Variants in CRAT observed in about 807,000 individuals in gnomAD.
CRAT encodes carnitine acetylase.
A neutral mutation model predicts 73.7 loss-of-function variants in CRAT; 66 were observed. The ratio of observed to expected loss-of-function variants is 0.90; its 90% CI spans 0.73 to 1.10. The LOEUF is 1.10. Ranked by LOEUF, CRAT falls within the 50% of genes least tolerant of loss-of-function variation. The pLI is 0.00. For synonymous variants in CRAT, 321 were observed against 343.2 expected (o/e 0.94, Z 0.71); for missense variants, 745 against 846.9 (o/e 0.88, Z 1.49).
Position 129,107,438 on chromosome 9 carries a change from A to C in CRAT, c.291+376T>G, listed in dbSNP as rs575215827. On this transcript the variant is annotated intron_variant, in intron 2 of 13. Transcript: ENST00000318080. The surrounding 1 kb of genome is among the most constrained non-coding windows in gnomAD (Gnocchi z 5.0). ...ACTGGGTACACCTGTGTCATAGATC[A>C]GATACAGAACCTGGGCGATCGGTCA... is the stretch of plus-strand genomic sequence containing the variant. 3 of 594,728 alleles carry C rather than the reference A, an allele frequency of 5.0e-6. No individual in the cohort carries two copies. Among genetic ancestry groups the C allele is most frequent in the Admixed American group, 5.9e-5 (2 of 34,092 alleles). The allele number at this position is 594,728 out of a possible 1,614,324, so 36.8% of individuals were successfully genotyped here. A position where few individuals can be genotyped will look rare whatever the true frequency, so the allele number is the denominator to read the frequency against.
intron 2 of CRAT, among the ~76,000 whole-genome samples, chr9:129,105,362 C>T (rs1446092248): frequency 6.6e-6 from 1 of 151,984 alleles, no homozygotes; most frequent in Non-Finnish European, 1.5e-5. Context: ...TCACTGTCAC[C>T]CAGGCTAAAG....
At position 129,104,319 on chromosome 9, in the gene CRAT, C is replaced by T; in HGVS notation, c.292-13G>A. On this transcript the variant is annotated splice_polypyrimidine_tract_variant and intron_variant, in intron 2 of 13. Transcript: ENST00000318080. Reference sequence around the variant, plus strand: ...ACCACTCAGACAGCTGGGAAAAGTGCCAGAGCCTGTCAGGAGGGGTGCATG... The same window carrying T: ...ACCACTCAGACAGCTGGGAAAAGTGTCAGAGCCTGTCAGGAGGGGTGCATG... 1 of 1,606,074 alleles carries T rather than the reference C, an allele frequency of 6.2e-7. No homozygotes were observed.
At position 129,103,089 on chromosome 9, in the gene CRAT, A is replaced by C; in HGVS notation, c.411-23T>G. ...AATCTGGAAAGATTGATTAGAGATT[A>C]GAAGCTGCGTGGACACCCTGAGGGA... On this transcript the variant is annotated intron_variant, in intron 3 of 13. Coordinates refer to ENST00000318080, the MANE Select transcript of CRAT (RefSeq NM_000755.5). The surrounding 1 kb of genome is among the most constrained non-coding windows in gnomAD (Gnocchi z 4.6). 1 of 1,612,168 alleles carries C rather than the reference A, an allele frequency of 6.2e-7. No individual in the cohort carries two copies. The highest frequency in any genetic ancestry group is 8.5e-7 in the Non-Finnish European group (1 of 1,178,198).
Position 129,097,255 on chromosome 9 carries a change from C to T in CRAT, c.1522G>A (p.Asp508Asn), listed in dbSNP as rs764225834. 1.2e-5 allele frequency: 18 copies of T among 1,559,304 alleles called. No homozygotes were observed. The highest frequency in any genetic ancestry group is 9.5e-5 in the South Asian group (8 of 84,160). ...GCACAAGCGGGCTCACTTACCCGGT[C>T]GGTGTAGCCTCGGTGGGCCTGCACG... Reference protein sequence around the residue: ...KAVQAHRGYTDRAIRGEAFDR... With the variant: ...KAVQAHRGYTNRAIRGEAFDR... Residue 508 changes from aspartate (D) to asparagine (N), a missense_variant, in exon 12 of 14, where the codon GAC becomes AAC. Transcript: ENST00000318080.
At position 129,098,081 on chromosome 9, in the gene CRAT, C is replaced by T. The variant is rs745545439; in HGVS notation, c.1396G>A (p.Asp466Asn). Reference protein sequence around the residue: ...SLRMFHLGRTDTIRSASMDSL... With the variant: ...SLRMFHLGRTNTIRSASMDSL... ...TCCATGGAAGCCGAGCGGATGGTGT[C>T]GGTGCGGCCCAGGTGAAACATGCGC... is the stretch of plus-strand genomic sequence containing the variant. Residue 466 changes from aspartate (D) to asparagine (N), a missense_variant, in exon 11 of 14, where the codon GAC becomes AAC. By Grantham distance (23) the Asp-to-Asn change is conservative (BLOSUM62 1). Coordinates refer to ENST00000318080, the MANE Select transcript of CRAT (RefSeq NM_000755.5). The T allele has an allele frequency of 1.2e-5, 20 of 1,614,018 alleles. No individual in the cohort carries two copies. The highest frequency in any genetic ancestry group is 6.7e-5 in the Admixed American group (4 of 60,018).
chr9:129,104,666 G>A (rs1347765969), intron 2 of CRAT, among the ~76,000 whole-genome samples: 3 of 149,174 alleles, frequency 2.0e-5, no homozygotes, highest in South Asian at 4.3e-4. Flanking sequence ...GTGCAGTGGC[G>A]CAATCTCGGC....
intron 8 of CRAT, 93 bp from the exon 9 acceptor site, chr9:129,098,743 T>C: frequency 6.9e-7 from 1 of 1,459,792 alleles, no homozygotes; most frequent in Non-Finnish European, 9.1e-7. Flanking sequence ...TACCTGAAGC[T>C]GGAGGGGGCC....
At chr9:129,102,988 G>A (rs1179348101) in intron 4 of CRAT, 25 bp downstream of exon 4, 14 of 1,606,470 alleles carry the variant, frequency 8.7e-6, no homozygotes, top group Admixed American at 1.7e-5. Flanking sequence ...CAGGTGTGGG[G>A]CTGGGCAGGG....
intron 11 of CRAT, 96 bp from the exon 12 acceptor site, chr9:129,097,408 C>CT: frequency 2.1e-6 from 2 of 971,266 alleles, no homozygotes; most frequent in Non-Finnish European, 3.0e-6. Context: ...ATTCTGAGCT[C>CT]TTTAAGAGGA....
intron 11 of CRAT, 143 bp downstream of exon 11, chr9:129,097,870 T>G (rs1847379643): frequency 8.1e-7 from 1 of 1,230,380 alleles, no homozygotes; most frequent in East Asian, 2.4e-5. Context: ...CAGAGCTAGA[T>G]TCACGGCTCC....
chr9:129,109,344 AAGCC>A, intron 1 of CRAT: 1 of 1,183,756 alleles, frequency 8.4e-7, no homozygotes, highest in Non-Finnish European at 1.1e-6. Flanking sequence ...GGACAGCCAG[AAGCC>A]CTGCCTATTT....
In CRAT at chr9:129,100,827, C is replaced by T. The variant is rs1038325694; in HGVS notation, c.806-138G>A. On this transcript the variant is annotated intron_variant, in intron 6 of 13. Coordinates refer to ENST00000318080, the MANE Select transcript of CRAT (RefSeq NM_000755.5). ...TCTGGGATGAGGAGACCCCCCACCTCGCCGGCCCTCCAGGGCATTCACCAA... is the reference window on the plus strand; with the variant it reads ...TCTGGGATGAGGAGACCCCCCACCTTGCCGGCCCTCCAGGGCATTCACCAA... 1.5e-5 allele frequency: 16 copies of T among 1,052,450 alleles called. No individual in the cohort carries two copies. In the Middle Eastern group the frequency reaches 8.7e-4, roughly 57 times the overall value. The allele number at this position is 1,052,450 out of a possible 1,614,324, so 65.2% of individuals were successfully genotyped here. A position where few individuals can be genotyped will look rare whatever the true frequency, so the allele number is the denominator to read the frequency against.
intron 12 of CRAT, among the ~76,000 whole-genome samples, chr9:129,096,733 A>G (rs1237984785): frequency 6.6e-6 from 1 of 152,246 alleles, no homozygotes; most frequent in African/African-American, 2.4e-5. Flanking sequence ...ACCTGGAACC[A>G]AGGCAGTTAC....
intron 1 of CRAT, 59 bp from the exon 2 acceptor site, chr9:129,108,136 C>G (rs1193191224): frequency 2.7e-6 from 4 of 1,492,038 alleles, no homozygotes; most frequent in Non-Finnish European, 3.5e-6. Context: ...CTGGCAGCCC[C>G]AAAGCTGTAG....
chr9:129,098,768 TGA>T (rs1241809566), intron 8 of CRAT, 118 bp from the exon 9 acceptor site: 1 of 1,287,804 alleles, frequency 7.8e-7, no homozygotes, highest in Admixed American at 3.1e-5. Flanking sequence ...CAGGGAGGTG[TGA>T]GTTTGTTCTG....
At chr9:129,102,317 C>A in intron 5 of CRAT, 83 bp downstream of exon 5, 1 of 1,569,334 alleles carries the variant, frequency 6.4e-7, no homozygotes. Flanking sequence ...CTGGGGAACC[C>A]CAGTGGGGAA....
chr9:129,105,521 C>G (rs796111979), intron 2 of CRAT, among the ~76,000 whole-genome samples: 14 of 152,046 alleles, frequency 9.2e-5, no homozygotes, highest in African/African-American at 3.4e-4. Flanking sequence ...AGGTTTTCAC[C>G]ATGTTGGCCA....
At chr9:129,102,140 T>C (rs1847713253) in intron 5 of CRAT, 83 bp from the exon 6 acceptor site, 2 of 1,476,076 alleles carry the variant, frequency 1.4e-6, no homozygotes, top group Admixed American at 4.0e-5. Context: ...ACCTGCCTCC[T>C]CCTGGCCTTG....
intron 6 of CRAT, 132 bp from the exon 7 acceptor site, chr9:129,100,821 C>T (rs1489149121): frequency 1.8e-6 from 2 of 1,116,882 alleles, no homozygotes; most frequent in Non-Finnish European, 2.5e-6. Context: ...AGGAGACCCC[C>T]CACCTCGCCG....
Sources: gnomAD v4.1 joint callset for allele counts (sites outside exome capture counted in the v4.1 genomes callset) on GRCh38, gnomAD v4.1.1 for gene constraint, Gnocchi (gnomAD v3.1) non-coding constraint, MANE v1.5 for transcripts, NCBI Gene and HGNC (gene_info 2026-07-23, HGNC 2026-07-21) for gene names.